DENND2B: variants seen among roughly 807,000 people sequenced by gnomAD.
DENND2B encodes the protein DENN domain containing 2B.
A neutral mutation model predicts 116.0 loss-of-function variants in DENND2B; 32 were observed. The observed-to-expected ratio is 0.28, with a 90% CI of 0.21 to 0.37. The LOEUF (loss-of-function observed/expected upper bound fraction) is 0.37, where lower values mean the gene tolerates loss of function less well. Among genes scored for constraint, DENND2B ranks in the 10% least tolerant of loss-of-function variants. The probability of loss-of-function intolerance (pLI) is 1.00; values close to 1 mark genes in which losing one functional copy is unlikely to be tolerated. For missense variants in DENND2B, 1,276 were observed against 1,477.7 expected (o/e 0.86, Z 2.24); for synonymous variants, 588 against 583.9 (o/e 1.01, Z -0.10).
chr11:8,754,027 G>GCACACACACACA (rs1555169735), intron 1 of DENND2B, among the ~76,000 whole-genome samples: 20 of 11,584 alleles, frequency 1.7e-3, no homozygotes, highest in African/African-American at 2.7e-3. Context: ...CACCAAAAGC[G>GCACACACACACA]CGCACACACA....
At chr11:8,696,704 G>A in intron 17 of DENND2B, 38 bp from the exon 18 acceptor site, 1 of 1,607,068 alleles carries the variant, frequency 6.2e-7, no homozygotes, top group Non-Finnish European at 8.5e-7. Flanking sequence ...TTCAGGTCAA[G>A]AGCCTGCAAA....
At chr11:8,717,528 A>G (rs1294453122) in intron 5 of DENND2B, among the ~76,000 whole-genome samples, 1 of 152,202 alleles carries the variant, frequency 6.6e-6, no homozygotes, top group Non-Finnish European at 1.5e-5. Context: ...AGGTTTCAAC[A>G]TGGTGGACAT....
At chr11:8,783,751 T>C (rs1459448730) in intron 1 of DENND2B, among the ~76,000 whole-genome samples, 2 of 152,168 alleles carry the variant, frequency 1.3e-5, no homozygotes, top group African/African-American at 2.4e-5. Flanking sequence ...TGAGTTTTAC[T>C]TGAAATAACG....
chr11:8,774,364 C>T lies in DENND2B; in HGVS notation c.-25-23639G>A, dbSNP rs2057340060. On this transcript the variant is annotated intron_variant, in intron 1 of 19. Transcript: ENST00000313726. The stretch of plus-strand genomic sequence containing the variant: ...ACTAGTGAAAGCACACCTTTGTTGA[C>T]AGAAACATGTTCTCCTTCCTGCTTT... The T allele has an allele frequency of 3.1e-6, 3 of 973,778 alleles. No homozygotes were observed. The South Asian group carries it at 1.4e-4, about 46-fold the overall frequency. The allele number at this position is 973,778 out of a possible 1,614,324, so 60.3% of individuals were successfully genotyped here.
At chr11:8,863,133 T>C (rs1009680562) in intron 2 of DENND2B, among the ~76,000 whole-genome samples, 3 of 151,610 alleles carry the variant, frequency 2.0e-5, no homozygotes, top group African/African-American at 4.9e-5. Flanking sequence ...CTGGGCAACA[T>C]AGGGGGACCC....
intron 1 of DENND2B, among the ~76,000 whole-genome samples, chr11:8,889,276 G>A (rs1042173180): frequency 1.3e-5 from 2 of 152,204 alleles, no homozygotes; most frequent in Non-Finnish European, 2.9e-5. Context: ...TTCCAAGATG[G>A]CCGAATAGGA....
intron 1 of DENND2B, among the ~76,000 whole-genome samples, chr11:8,898,428 A>T (rs1016548656): frequency 3.9e-5 from 6 of 152,206 alleles, no homozygotes; most frequent in South Asian, 2.1e-4. Context: ...AAATTAAGAA[A>T]AGATGTCAGT....
In DENND2B at chr11:8,713,973, C is replaced by T. The variant is rs770096607; in HGVS notation, c.1987+25G>A. The T allele has an allele frequency of 1.3e-5, 21 of 1,613,464 alleles. No homozygotes were observed. In the African/African-American group the frequency reaches 1.5e-4, roughly 11 times the overall value. ...CCTGCAGCCCTGCTGGGAGAGCTTC[C>T]GTACTCATGGGAGCTGTGCCTCACC... On this transcript the variant is annotated intron_variant, in intron 8 of 19. Coordinates refer to ENST00000313726, the MANE Select transcript of DENND2B (RefSeq NM_213618.2).
intron 1 of DENND2B, chr11:8,774,273 G>A: frequency 1.0e-6 from 1 of 985,428 alleles, no homozygotes; most frequent in African/African-American, 1.7e-5. Flanking sequence ...AGAAACGGCA[G>A]GACACTTTAA....
Position 8,828,615 on chromosome 11 carries a change from G to A in DENND2B, c.-115+10695C>T, listed in dbSNP as rs143389150. ...TGGTGAGAATGGGGACAAGCAGGGC[G>A]GACCGAGCACTCTTTTAATAGGAAA... On this transcript the variant is annotated intron_variant, in intron 4 of 6. Coordinates refer to the DENND2B transcript ENST00000524757. Among the ~76,000 whole-genome samples, 575 of 152,140 alleles carry A rather than the reference G, an allele frequency of 3.8e-3. 4 individuals are homozygous for A. The highest frequency in any genetic ancestry group is 0.012 in the African/African-American group (506 of 41,480).
In DENND2B at chr11:8,707,514, C is replaced by T. The variant is rs1430755859; in HGVS notation, c.2430+263G>A. On this transcript the variant is annotated intron_variant, in intron 12 of 19. Transcript: ENST00000313726. This position sits in a 1 kb window ranked among gnomAD's most constrained non-coding sequence, Gnocchi z 4.8. Reference sequence around the variant, plus strand: ...CTGGGCGCTCCTGCTTCCCCAAGGACTCTGGCTCTGCCTAGGGCCCAGGGT... The same window carrying T: ...CTGGGCGCTCCTGCTTCCCCAAGGATTCTGGCTCTGCCTAGGGCCCAGGGT... Among the ~76,000 whole-genome samples, 1 of 152,268 alleles carries T rather than the reference C, an allele frequency of 6.6e-6. No homozygotes were observed. Among genetic ancestry groups the T allele is most frequent in the African/African-American group, 2.4e-5 (1 of 41,480 alleles).
At chr11:8,805,500 A>T (rs1057457052) in intron 1 of DENND2B, among the ~76,000 whole-genome samples, 1 of 152,094 alleles carries the variant, frequency 6.6e-6, no homozygotes, top group Non-Finnish European at 1.5e-5. Context: ...TCCCTCCCAC[A>T]TACACCATCC....
At chr11:8,802,415 A>T (rs535596458) in intron 1 of DENND2B, among the ~76,000 whole-genome samples, 109 of 152,320 alleles carry the variant, frequency 7.2e-4, no homozygotes, top group African/African-American at 2.5e-3. Flanking sequence ...GGCACTTTAC[A>T]TTTGGCATTT....
At chr11:8,791,858 G>A (rs2059409627) in intron 1 of DENND2B, among the ~76,000 whole-genome samples, 2 of 152,010 alleles carry the variant, frequency 1.3e-5, no homozygotes, top group African/African-American at 4.8e-5. Flanking sequence ...CAAATTTTTA[G>A]TAAAGAAAAA....
At chr11:8,865,356 T>G (rs912660609) in intron 2 of DENND2B, among the ~76,000 whole-genome samples, 3 of 152,140 alleles carry the variant, frequency 2.0e-5, no homozygotes, top group Non-Finnish European at 4.4e-5. Context: ...ATATATATAT[T>G]TTACTCCAAA....
intron 10 of DENND2B, 61 bp from the exon 11 acceptor site, chr11:8,710,975 A>G (rs1194720499): frequency 6.3e-7 from 1 of 1,598,856 alleles, no homozygotes; most frequent in South Asian, 1.1e-5. Flanking sequence ...ACAGCCCCCA[A>G]GAATAGGGAC....
intron 4 of DENND2B, among the ~76,000 whole-genome samples, chr11:8,818,988 A>G (rs1278803390): frequency 5.9e-5 from 9 of 152,232 alleles, no homozygotes; most frequent in Admixed American, 2.0e-4. Flanking sequence ...TACTTAATGT[A>G]TAGAAGAACA....
intron 1 of DENND2B, among the ~76,000 whole-genome samples, chr11:8,900,371 G>A (rs1385891074): frequency 1.3e-5 from 2 of 149,216 alleles, no homozygotes; most frequent in South Asian, 2.1e-4. Context: ...GGTGGAGCTT[G>A]CAGTGCCCAA....
At chr11:8,783,164 C>T (rs2058563644) in intron 1 of DENND2B, among the ~76,000 whole-genome samples, 1 of 151,440 alleles carries the variant, frequency 6.6e-6, no homozygotes, top group East Asian at 1.9e-4. Context: ...AAGTGATCCT[C>T]CCACCTTAGC....
Sources: gnomAD v4.1 joint callset for allele counts (sites outside exome capture counted in the v4.1 genomes callset) on GRCh38, gnomAD v4.1.1 for gene constraint, Gnocchi (gnomAD v3.1) non-coding constraint, MANE v1.5 for transcripts, NCBI Gene and HGNC (gene_info 2026-07-23, HGNC 2026-07-21) for gene names.